IQCM: variants seen among roughly 807,000 people sequenced by gnomAD.
IQCM encodes IQ motif containing M, also known as IQ domain-containing protein M.
In IQCM, 45 loss-of-function variants were observed where a neutral mutation model predicts 57.6. The ratio of observed to expected loss-of-function variants is 0.78; its 90% CI spans 0.62 to 1.00. The LOEUF is 1.00. Among genes scored for constraint, IQCM ranks in the 50% least tolerant of loss-of-function variants. The pLI is 0.00. For synonymous variants in IQCM, 148 were observed against 158.9 expected, an observed-to-expected ratio of 0.93 and a Z score of 0.51; for missense variants, 468 against 511.6, an observed-to-expected ratio of 0.91 and a Z score of 0.82.
At chr4:149,544,887 A>T (rs1256155063) in intron 12 of IQCM, among the ~76,000 whole-genome samples, 1 of 152,224 alleles carries the variant, frequency 6.6e-6, no homozygotes, top group African/African-American at 2.4e-5. Context: ...CATATTTAAA[A>T]ATTAACTTGA....
At chr4:149,644,837 C>T (rs373031779) in intron 7 of IQCM, among the ~76,000 whole-genome samples, 5 of 152,134 alleles carry the variant, frequency 3.3e-5, no homozygotes, top group South Asian at 2.1e-4. Flanking sequence ...GTGAATAGTA[C>T]GCAGAGAGAA....
intron 2 of IQCM, among the ~76,000 whole-genome samples, chr4:149,811,846 C>T (rs1430318360): frequency 6.6e-6 from 1 of 152,194 alleles, no homozygotes; most frequent in African/African-American, 2.4e-5. Flanking sequence ...GACTACTTAA[C>T]CCTCCCTGGG....
At chr4:149,560,272 T>C (rs921675148) in intron 10 of IQCM, among the ~76,000 whole-genome samples, 1 of 152,214 alleles carries the variant, frequency 6.6e-6, no homozygotes, top group Non-Finnish European at 1.5e-5. Context: ...TATGGTAATA[T>C]TGAAACTCAG....
intron 5 of IQCM, among the ~76,000 whole-genome samples, chr4:149,700,468 G>A (rs1763685512): frequency 6.6e-6 from 1 of 151,850 alleles, no homozygotes; most frequent in South Asian, 2.1e-4. Context: ...GCTGTTCTCG[G>A]TACCTTTACG....
chr4:149,642,888 A>C (rs909607240), intron 7 of IQCM, among the ~76,000 whole-genome samples: 1 of 152,152 alleles, frequency 6.6e-6, no homozygotes, highest in African/African-American at 2.4e-5. Context: ...AAAAAATTGT[A>C]ATAACTGGTG....
intron 7 of IQCM, among the ~76,000 whole-genome samples, chr4:149,638,649 T>C (rs1757922153): frequency 6.6e-6 from 1 of 152,058 alleles, no homozygotes. Context: ...GGCAAGAAAA[T>C]ATACGTACTG....
At chr4:149,353,849 G>C (rs1728738711) in intron 13 of IQCM, among the ~76,000 whole-genome samples, 1 of 152,102 alleles carries the variant, frequency 6.6e-6, no homozygotes, top group Admixed American at 6.6e-5. Context: ...AACAGGTCTA[G>C]AGACCTAATG....
chr4:149,435,229 T>G (rs1211827466), intron 12 of IQCM, among the ~76,000 whole-genome samples: 1 of 152,134 alleles, frequency 6.6e-6, no homozygotes, highest in African/African-American at 2.4e-5. Context: ...ATCTGCTAAG[T>G]GGACCCTAAC....
intron 12 of IQCM, among the ~76,000 whole-genome samples, chr4:149,462,009 G>T (rs912016529): frequency 1.6e-4 from 24 of 151,968 alleles, no homozygotes; most frequent in African/African-American, 5.8e-4. Flanking sequence ...AAAATCAGGT[G>T]CTTTTACAGG....
chr4:149,799,272 G>A (rs1178352193), intron 2 of IQCM, among the ~76,000 whole-genome samples: 1 of 151,206 alleles, frequency 6.6e-6, no homozygotes, highest in Non-Finnish European at 1.5e-5. Flanking sequence ...AATTAATAAG[G>A]AAATTGAAAA....
chr4:149,386,836 T>C (rs556061665), intron 13 of IQCM, among the ~76,000 whole-genome samples: 2 of 152,180 alleles, frequency 1.3e-5, no homozygotes, highest in East Asian at 3.9e-4. Flanking sequence ...ATTTAACTTC[T>C]CTTACCAGCA....
At chr4:149,550,266 T>C (rs1237275034) in intron 11 of IQCM, among the ~76,000 whole-genome samples, 1 of 152,178 alleles carries the variant, frequency 6.6e-6, no homozygotes, top group African/African-American at 2.4e-5. Context: ...CAGGTAGTAA[T>C]TTGCTTGATA....
At chr4:149,454,195 C>CAT (rs1553968106) in intron 12 of IQCM, among the ~76,000 whole-genome samples, 127 of 147,594 alleles carry the variant, frequency 8.6e-4, no homozygotes, top group Non-Finnish European at 1.3e-3. Flanking sequence ...CACACACACA[C>CAT]ATATAAACAC....
intron 12 of IQCM, among the ~76,000 whole-genome samples, chr4:149,446,162 T>C (rs1208267887): frequency 6.6e-6 from 1 of 151,640 alleles, no homozygotes; most frequent in Non-Finnish European, 1.5e-5. Flanking sequence ...GTTCAAAGCT[T>C]TTTTTTCTTT....
intron 7 of IQCM, among the ~76,000 whole-genome samples, chr4:149,632,244 T>C (rs997482379): frequency 5.9e-5 from 9 of 152,344 alleles, no homozygotes; most frequent in Middle Eastern, 3.4e-3. Context: ...ACCTGAACGT[T>C]TGGCTTTCCA....
chr4:149,636,715 G>A (rs1197656461), intron 7 of IQCM, among the ~76,000 whole-genome samples: 2 of 152,022 alleles, frequency 1.3e-5, no homozygotes, highest in African/African-American at 2.4e-5. Flanking sequence ...GTTTCTAGTC[G>A]GTTAAATAAA....
intron 5 of IQCM, among the ~76,000 whole-genome samples, chr4:149,699,858 T>G (rs1763634491): frequency 6.6e-6 from 1 of 151,964 alleles, no homozygotes; most frequent in African/African-American, 2.4e-5. Flanking sequence ...TGGGTGTGTT[T>G]GCATTTACAA....
chr4:149,552,432 A>G (rs561606072), intron 11 of IQCM, among the ~76,000 whole-genome samples: 18 of 152,280 alleles, frequency 1.2e-4, no homozygotes, highest in East Asian at 9.7e-4. Flanking sequence ...AACTGGCTCT[A>G]ATAATCTATC....
rs919445577 is a variant in IQCM, at chr4:149,365,379, C to T, written c.1391-13313G>A. 5.3e-5 allele frequency among the ~76,000 whole-genome samples: 8 copies of T among 152,076 alleles called. No individual in the cohort carries two copies. In the East Asian group the frequency reaches 7.7e-4, roughly 15 times the overall value. On this transcript the variant is annotated intron_variant, in intron 13 of 13. Coordinates refer to ENST00000636793, the MANE Select transcript of IQCM (RefSeq NM_001363507.2). ...CAAACTATAAAAGAAATATACATAA[C>T]TATTTACTAGTATAATCAATAAATA... is the stretch of plus-strand genomic sequence containing the variant.
Sources: gnomAD v4.1 joint callset for allele counts (sites outside exome capture counted in the v4.1 genomes callset) on GRCh38, gnomAD v4.1.1 for gene constraint, MANE v1.5 for transcripts, NCBI Gene and HGNC (gene_info 2026-07-23, HGNC 2026-07-21) for gene names.